The following RNLS variants were observed in gnomAD, a reference collection of about 807,000 sequenced individuals.
RNLS encodes renalase, FAD dependent amine oxidase, also known as renalase.
In RNLS, 39 loss-of-function variants were observed where a neutral mutation model predicts 39.8. The observed-to-expected ratio is 0.98, with a 90% CI of 0.76 to 1.28. The LOEUF (loss-of-function observed/expected upper bound fraction) is 1.28, where lower values mean the gene tolerates loss of function less well. RNLS is among the 50% of genes most tolerant of loss of function. RNLS has a pLI of 0.00. For missense variants in RNLS, 410 were observed against 413.3 expected, an observed-to-expected ratio of 0.99 and a Z score of 0.07; for synonymous variants, 147 against 150.7, an observed-to-expected ratio of 0.98 and a Z score of 0.18.
rs556029563 is a variant in RNLS, at chr10:88,578,171, T to C, written c.367+3396A>G. On this transcript the variant is annotated intron_variant, in intron 3 of 6. Coordinates refer to ENST00000331772, the MANE Select transcript of RNLS (RefSeq NM_001031709.3). ...ACTACTTGCTTGAATTTGAGTGCAT[T>C]ATATCTTTCATTCCTCACAACACTT... Among the ~76,000 whole-genome samples, 11 of 152,314 alleles carry C rather than the reference T, an allele frequency of 7.2e-5. No homozygotes were observed. The East Asian group carries it at 1.7e-3, about 24-fold the overall frequency.
chr10:88,293,675 G>A (rs1843850711), intron 6 of RNLS, among the ~76,000 whole-genome samples: 1 of 150,682 alleles, frequency 6.6e-6, no homozygotes, highest in African/African-American at 2.4e-5. Flanking sequence ...AACATCTAGA[G>A]AGATTTTACT....
At chr10:88,346,833 G>A (rs1937385576) in intron 5 of RNLS, among the ~76,000 whole-genome samples, 1 of 152,166 alleles carries the variant, frequency 6.6e-6, no homozygotes, top group South Asian at 2.1e-4. Context: ...ATTGTGGCAT[G>A]TATTCCCACT....
At chr10:88,260,894 C>A in the RNLS span, among the ~76,000 whole-genome samples, 4 of 152,180 alleles carry the variant, frequency 2.6e-5, no homozygotes, top group African/African-American at 9.7e-5. Context: ...AGAAAATGAA[C>A]ATGTGCTGAC....
chr10:88,392,316 A>T (rs1852256982), intron 4 of RNLS, among the ~76,000 whole-genome samples: 1 of 152,220 alleles, frequency 6.6e-6, no homozygotes, highest in African/African-American at 2.4e-5. Flanking sequence ...GTTCATGTGT[A>T]GGGATGTGAG....
chr10:88,348,777 G>A (rs747946642), intron 5 of RNLS, among the ~76,000 whole-genome samples: 143 of 152,066 alleles, frequency 9.4e-4, no homozygotes, highest in Non-Finnish European at 2.9e-4. Flanking sequence ...TCACCTTAAA[G>A]AAAAGAGATT....
chr10:88,187,158 A>AAT, the RNLS span, among the ~76,000 whole-genome samples: 1 of 113,534 alleles, frequency 8.8e-6, no homozygotes, highest in Non-Finnish European at 1.8e-5. Context: ...ATATATATAT[A>AAT]ATATATATAA....
At chr10:88,553,576 C>T (rs1848701647) in intron 4 of RNLS, among the ~76,000 whole-genome samples, 1 of 152,168 alleles carries the variant, frequency 6.6e-6, no homozygotes, top group Admixed American at 6.5e-5. Flanking sequence ...CATGACAAAG[C>T]ACAGTCTCCA....
the RNLS span, among the ~76,000 whole-genome samples, chr10:88,225,373 C>T: frequency 1.3e-5 from 2 of 152,184 alleles, no homozygotes; most frequent in Admixed American, 1.3e-4. Context: ...CAATAACACC[C>T]TTTCCTTTTC....
At chr10:88,528,618 G>A (rs1489246364) in intron 4 of RNLS, among the ~76,000 whole-genome samples, 3 of 151,972 alleles carry the variant, frequency 2.0e-5, no homozygotes, top group African/African-American at 7.3e-5. Context: ...GGCCGAGGCG[G>A]GCGGATCACT....
intron 4 of RNLS, among the ~76,000 whole-genome samples, chr10:88,457,247 T>C (rs1206364285): frequency 6.6e-6 from 1 of 152,192 alleles, no homozygotes; most frequent in Non-Finnish European, 1.5e-5. Flanking sequence ...AACAACAAAA[T>C]TGCTGTACCT....
chr10:88,414,165 T>C (rs1420030237), intron 4 of RNLS, among the ~76,000 whole-genome samples: 1 of 152,086 alleles, frequency 6.6e-6, no homozygotes, highest in African/African-American at 2.4e-5. Context: ...TCTGTTAACT[T>C]GTCTTTAGAG....
chr10:88,229,291 C>G, the RNLS span, among the ~76,000 whole-genome samples: 1 of 152,188 alleles, frequency 6.6e-6, no homozygotes, highest in Non-Finnish European at 1.5e-5. Context: ...TCTCTCAGCT[C>G]TGCCTCGATG....
At chr10:88,488,546 CAAAAAAAA>C (rs3033822) in intron 4 of RNLS, among the ~76,000 whole-genome samples, 2 of 79,036 alleles carry the variant, frequency 2.5e-5, no homozygotes, top group Non-Finnish European at 4.7e-5. Flanking sequence ...AACTCCGTCT[CAAAAAAAA>C]AAAAAAAAAA....
intron 4 of RNLS, among the ~76,000 whole-genome samples, chr10:88,398,275 A>G (rs1227605889): frequency 6.6e-6 from 1 of 152,092 alleles, no homozygotes; most frequent in Admixed American, 6.6e-5. Flanking sequence ...GGAATAAGTG[A>G]GTCAGGGTAA....
intron 4 of RNLS, among the ~76,000 whole-genome samples, chr10:88,539,388 T>C (rs111501379): frequency 1.3e-5 from 2 of 152,266 alleles, no homozygotes; most frequent in African/African-American, 4.8e-5. Flanking sequence ...AATAATAGCA[T>C]AAATTTTAAT....
the RNLS span, among the ~76,000 whole-genome samples, chr10:88,217,737 T>TAAAAAAAAA: frequency 4.5e-5 from 1 of 22,418 alleles, no homozygotes; most frequent in African/African-American, 2.4e-4. Context: ...TGCCTTCAAA[T>TAAAAAAAAA]GAAAAAAAAA....
At chr10:88,314,114 T>C (rs191528168) in intron 6 of RNLS, among the ~76,000 whole-genome samples, 288 of 152,266 alleles carry the variant, frequency 1.9e-3, no homozygotes, top group South Asian at 0.017. Flanking sequence ...GTTATAGTGG[T>C]TTCTAAATAT....
At chr10:88,418,708 G>A (rs1034016323) in intron 4 of RNLS, among the ~76,000 whole-genome samples, 14 of 152,258 alleles carry the variant, frequency 9.2e-5, no homozygotes, top group African/African-American at 3.4e-4. Flanking sequence ...CAAGCAGTCA[G>A]GATAAGTTGG....
At chr10:88,507,260 C>G (rs1424669052) in intron 4 of RNLS, among the ~76,000 whole-genome samples, 14 of 152,040 alleles carry the variant, frequency 9.2e-5, no homozygotes. Flanking sequence ...GTCCCAAAGA[C>G]ACACACACGC....
Sources: gnomAD v4.1 joint callset for allele counts (sites outside exome capture counted in the v4.1 genomes callset) on GRCh38, gnomAD v4.1.1 for gene constraint, MANE v1.5 for transcripts, NCBI Gene and HGNC (gene_info 2026-07-23, HGNC 2026-07-21) for gene names.